CLUAP1: variants seen among roughly 807,000 people sequenced by gnomAD.
The protein encoded by CLUAP1 is intraflagellar transport 38, also known as clusterin-associated protein 1.
Under a neutral mutation model 55.0 loss-of-function variants are expected in CLUAP1, and 50 were observed. The ratio of observed to expected loss-of-function variants is 0.91; its 90% CI spans 0.72 to 1.15. The LOEUF is 1.15. Among genes scored for constraint, CLUAP1 ranks in the 50% most tolerant of loss-of-function variants. The pLI is 0.00. For synonymous variants in CLUAP1, 195 were observed against 175.4 expected (o/e 1.11, Z -0.88); for missense variants, 530 against 507.6 (o/e 1.04, Z -0.42).
Position 3,538,019 on chromosome 16 carries a change from AAG to A in CLUAP1, c.*1749_*1750del, listed in dbSNP as rs2038268916. 6.6e-6 allele frequency: 1 copy of A among 151,230 alleles called. No individual in the cohort carries two copies. Among genetic ancestry groups the A allele is most frequent in the East Asian group, 1.9e-4 (1 of 5,182 alleles). The allele number at this position is 151,230 out of a possible 1,614,324, so 9.4% of individuals were successfully genotyped here. A position where few individuals can be genotyped will look rare whatever the true frequency, so the allele number is the denominator to read the frequency against. Reference sequence around the variant, plus strand: ...ATCTCAAAAAAAAAAAAAAAAAAAAAAGCATACAGTAAATAAAAAAGCACAAA... The same window carrying A: ...ATCTCAAAAAAAAAAAAAAAAAAAAACATACAGTAAATAAAAAAGCACAAA... On this transcript the variant is annotated 3_prime_UTR_variant, in exon 12 of 12. Coordinates refer to ENST00000576634, the MANE Select transcript of CLUAP1 (RefSeq NM_015041.3).
intron 10 of CLUAP1, among the ~76,000 whole-genome samples, chr16:3,531,690 A>T (rs1308317228): frequency 6.6e-6 from 1 of 152,154 alleles, no homozygotes; most frequent in African/African-American, 2.4e-5. Flanking sequence ...GTACATATAC[A>T]TACGCACACA....
intron 9 of CLUAP1, among the ~76,000 whole-genome samples, chr16:3,530,145 C>A (rs915609126): frequency 1.3e-5 from 2 of 151,446 alleles, no homozygotes; most frequent in Non-Finnish European, 2.9e-5. Context: ...GCCTCAAGCC[C>A]TTTTATAACC....
chr16:3,500,497 G>A (rs2037369417), upstream of CLUAP1, among the ~76,000 whole-genome samples: 1 of 151,622 alleles, frequency 6.6e-6, no homozygotes, highest in South Asian at 2.1e-4. Flanking sequence ...AGCCTCCCGA[G>A]TAGCTGGGAT....
At chr16:3,499,728 A>G (rs1473067867), upstream of CLUAP1, among the ~76,000 whole-genome samples, 1 of 152,178 alleles carries the variant, frequency 6.6e-6, no homozygotes, top group Non-Finnish European at 1.5e-5. Flanking sequence ...ACTGTGGCTT[A>G]TCTTTTGTTT....
chr16:3,499,295 A>G (rs2037345040), upstream of CLUAP1, among the ~76,000 whole-genome samples: 1 of 152,198 alleles, frequency 6.6e-6, no homozygotes, highest in Admixed American at 6.5e-5. Context: ...CAGTGAGCCG[A>G]GATTGTGCCA....
At position 3,520,074 on chromosome 16, in the gene CLUAP1, C is replaced by A. The variant is rs192145286; in HGVS notation, c.713+38C>A. ...ACTTGGAGAATGAGTAGAAAGATGT[C>A]CTGGAAAGTTCAAACAAACTGGGCG... On this transcript the variant is annotated intron_variant, in intron 7 of 11. Transcript: ENST00000576634. 2.2e-4 allele frequency: 340 copies of A among 1,559,654 alleles called. 1 individual carries two copies. The African/African-American group carries it at 4.2e-3, about 19-fold the overall frequency.
rs2038284512 is a variant in CLUAP1 at position 3,538,717 on chromosome 16, T to C, written c.*2446T>C. On this transcript the variant is annotated 3_prime_UTR_variant, in exon 12 of 12. Transcript: ENST00000576634. ...ACTTTGTGCAAGGTCTCACCATGTATAGCACTGCCTTGCTTGAGCACGGAA... is the reference window on the plus strand; with the variant it reads ...ACTTTGTGCAAGGTCTCACCATGTACAGCACTGCCTTGCTTGAGCACGGAA... 1 of 152,250 alleles carries C rather than the reference T, an allele frequency of 6.6e-6. No homozygotes were observed. 9.4% of individuals were successfully genotyped at this position (152,250 alleles called of 1,614,324 possible). A position where few individuals can be genotyped will look rare whatever the true frequency, so the allele number is the denominator to read the frequency against.
At chr16:3,500,902 C>A (rs1596379341), upstream of CLUAP1, 1 of 723,886 alleles carries the variant, frequency 1.4e-6, no homozygotes, top group East Asian at 2.8e-5. Context: ...GCCCGCTCTC[C>A]CCGTGCGTAT....
chr16:3,509,551 C>T (rs543234120), intron 4 of CLUAP1, among the ~76,000 whole-genome samples: 16 of 152,206 alleles, frequency 1.1e-4, no homozygotes, highest in Non-Finnish European at 2.4e-4. Flanking sequence ...GGACAGGTGC[C>T]GTCAGGTGTC....
intron 6 of CLUAP1, among the ~76,000 whole-genome samples, chr16:3,519,059 A>G (rs2037783279): frequency 6.6e-6 from 1 of 152,150 alleles, no homozygotes; most frequent in African/African-American, 2.4e-5. Flanking sequence ...TCATAAAGAG[A>G]TTGGAGCCTG....
At chr16:3,524,751 A>AT (rs1183076403) in intron 8 of CLUAP1, among the ~76,000 whole-genome samples, 1 of 152,142 alleles carries the variant, frequency 6.6e-6, no homozygotes, top group Admixed American at 6.6e-5. Flanking sequence ...CTGACCAACC[A>AT]TCTTACAGGT....
chr16:3,522,640 C>T lies in CLUAP1; in HGVS notation c.714-518C>T, dbSNP rs376293120. On this transcript the variant is annotated intron_variant, in intron 7 of 11. Coordinates refer to ENST00000576634, the MANE Select transcript of CLUAP1 (RefSeq NM_015041.3). ...GATCCTCACTCACTGCAGCCTTGAACTCCAGGGCTCAATCCTCCTCCTACT... is the reference window on the plus strand; with the variant it reads ...GATCCTCACTCACTGCAGCCTTGAATTCCAGGGCTCAATCCTCCTCCTACT... Among the ~76,000 whole-genome samples, 7 of 152,164 alleles carry T rather than the reference C, an allele frequency of 4.6e-5. No homozygotes were observed. The East Asian group carries it at 1.2e-3, about 25-fold the overall frequency.
At chr16:3,524,238 G>A (rs1422543944) in intron 8 of CLUAP1, among the ~76,000 whole-genome samples, 2 of 151,694 alleles carry the variant, frequency 1.3e-5, no homozygotes, top group African/African-American at 4.8e-5. Flanking sequence ...GGAGTTTGAA[G>A]TTGGAGTGAG....
upstream of CLUAP1, among the ~76,000 whole-genome samples, chr16:3,496,013 A>C (rs1190800366): frequency 1.3e-5 from 2 of 151,830 alleles, no homozygotes; most frequent in African/African-American, 2.4e-5. Context: ...TCGTGGCGGG[A>C]GCCTGTAGTC....
At chr16:3,531,973 G>A (rs939571903) in intron 10 of CLUAP1, among the ~76,000 whole-genome samples, 1 of 151,964 alleles carries the variant, frequency 6.6e-6, no homozygotes, top group African/African-American at 2.4e-5. Flanking sequence ...CAAGTAGCTG[G>A]GGTTACAGGC....
intron 9 of CLUAP1, among the ~76,000 whole-genome samples, chr16:3,527,891 A>T (rs2037978516): frequency 6.6e-6 from 1 of 152,088 alleles, no homozygotes; most frequent in Non-Finnish European, 1.5e-5. Context: ...ATCACTGAAG[A>T]TGGCTCACTC....
At chr16:3,514,963 C>T (rs1053743354) in intron 5 of CLUAP1, among the ~76,000 whole-genome samples, 2 of 152,156 alleles carry the variant, frequency 1.3e-5, no homozygotes, top group Non-Finnish European at 2.9e-5. Flanking sequence ...GGGGCAGGGC[C>T]ATGGTCACTG....
chr16:3,530,833 A>G (rs2038101413), intron 10 of CLUAP1, among the ~76,000 whole-genome samples, 158 bp downstream of exon 10: 1 of 152,130 alleles, frequency 6.6e-6, no homozygotes, highest in Admixed American at 6.5e-5. Flanking sequence ...CCTGTTGTTT[A>G]TGGCTCTTGA....
chr16:3,518,984 C>G (rs1369315695), intron 6 of CLUAP1, among the ~76,000 whole-genome samples: 2 of 152,186 alleles, frequency 1.3e-5, no homozygotes, highest in East Asian at 3.8e-4. Flanking sequence ...GAACTTAATG[C>G]AGGGCTGGAA....
Sources: allele counts gnomAD v4.1 joint callset (sites outside exome capture counted in the v4.1 genomes callset), GRCh38; gene constraint gnomAD v4.1.1; transcripts MANE v1.5; gene names NCBI Gene and HGNC (gene_info 2026-07-23, HGNC 2026-07-21).